Variants in ZMAT4 observed in about 807,000 individuals in gnomAD.
The protein encoded by ZMAT4 is zinc finger matrin-type 4.
A neutral mutation model predicts 28.7 loss-of-function variants in ZMAT4; 17 were observed. The observed-to-expected ratio is 0.59, with a 90% CI of 0.41 to 0.89. The LOEUF is 0.89. ZMAT4 is among the 40% of genes least tolerant of loss of function. ZMAT4 has a pLI of 0.00. For missense variants in ZMAT4, 240 were observed against 283.8 expected (o/e 0.85, Z 1.11); for synonymous variants, 117 against 109.2 (o/e 1.07, Z -0.44).
chr8:40,590,261 G>A (rs1804844991), intron 5 of ZMAT4, among the ~76,000 whole-genome samples: 1 of 151,226 alleles, frequency 6.6e-6, no homozygotes, highest in African/African-American at 2.4e-5. Context: ...CAAACTCCTG[G>A]GCTCAAGCAA....
chr8:40,674,598 T>C (rs1808826534), intron 5 of ZMAT4, 106 bp downstream of exon 5: 1 of 923,464 alleles, frequency 1.1e-6, no homozygotes, highest in Non-Finnish European at 1.7e-6. Context: ...GCCTCACTTT[T>C]TCCTTAATAA....
intron 5 of ZMAT4, among the ~76,000 whole-genome samples, chr8:40,636,132 A>G (rs557464818): frequency 6.6e-6 from 1 of 152,370 alleles, no homozygotes; most frequent in African/African-American, 2.4e-5. Context: ...ATGCCTCTCA[A>G]TATTCAATTG....
intron 3 of ZMAT4, among the ~76,000 whole-genome samples, chr8:40,729,420 T>C (rs1416481310): frequency 6.6e-6 from 1 of 152,200 alleles, no homozygotes; most frequent in Non-Finnish European, 1.5e-5. Context: ...TCTAAAGCAT[T>C]ATTATTCATT....
chr8:40,733,614 C>T (rs147036888), intron 3 of ZMAT4, among the ~76,000 whole-genome samples: 6 of 152,050 alleles, frequency 3.9e-5, no homozygotes, highest in African/African-American at 7.2e-5. Context: ...GACAGGCCAA[C>T]GAGAATCGCT....
intron 1 of ZMAT4, among the ~76,000 whole-genome samples, chr8:40,833,856 T>C (rs1162263584): frequency 6.6e-6 from 1 of 152,172 alleles, no homozygotes; most frequent in Non-Finnish European, 1.5e-5. Flanking sequence ...ATTCCTGATG[T>C]TGCTCAGATA....
At chr8:40,771,902 T>C (rs1357586914) in intron 2 of ZMAT4, among the ~76,000 whole-genome samples, 2 of 152,190 alleles carry the variant, frequency 1.3e-5, no homozygotes, top group African/African-American at 4.8e-5. Context: ...GATTTATTAG[T>C]ACCAAAATTT....
At chr8:40,535,364 C>G (rs1377291326) in intron 6 of ZMAT4, among the ~76,000 whole-genome samples, 1 of 152,100 alleles carries the variant, frequency 6.6e-6, no homozygotes, top group Non-Finnish European at 1.5e-5. Context: ...AGACTAGTAA[C>G]AACCATTGAA....
rs554257029 is a variant in ZMAT4, at chr8:40,832,034, C to T, written c.-4-6354G>A. 5.9e-5 allele frequency among the ~76,000 whole-genome samples: 9 copies of T among 152,276 alleles called. No individual in the cohort carries two copies. In the South Asian group the frequency reaches 1.5e-3, roughly 25 times the overall value. Reference sequence around the variant, plus strand: ...TAACTCACCCAGAGGTCACTCAGCTCCTAAGGGGCGCTCAGTTTTCCAAGC... The same window carrying T: ...TAACTCACCCAGAGGTCACTCAGCTTCTAAGGGGCGCTCAGTTTTCCAAGC... On this transcript the variant is annotated intron_variant, in intron 1 of 6. Coordinates refer to ENST00000297737, the MANE Select transcript of ZMAT4 (RefSeq NM_024645.3).
intron 2 of ZMAT4, among the ~76,000 whole-genome samples, chr8:40,811,180 G>A (rs530424051): frequency 6.6e-6 from 1 of 152,254 alleles, no homozygotes; most frequent in East Asian, 1.9e-4. Flanking sequence ...GCCCCCAAAT[G>A]CTGAAGGAGC....
intron 5 of ZMAT4, among the ~76,000 whole-genome samples, chr8:40,642,753 C>T (rs1203740754): frequency 6.6e-6 from 1 of 152,198 alleles, no homozygotes; most frequent in Non-Finnish European, 1.5e-5. Flanking sequence ...GTACAATATA[C>T]TACCAGATTT....
intron 3 of ZMAT4, among the ~76,000 whole-genome samples, chr8:40,700,834 C>T (rs894080897): frequency 1.2e-4 from 18 of 152,080 alleles, no homozygotes; most frequent in African/African-American, 3.6e-4. Flanking sequence ...ATTGCACTTA[C>T]TTGTTTTCAT....
In ZMAT4 at chr8:40,711,079, C is replaced by T. The variant is rs149821553; in HGVS notation, c.193-13678G>A. 4.7e-4 allele frequency among the ~76,000 whole-genome samples: 72 copies of T among 152,202 alleles called. 1 individual carries two copies. In the East Asian group the frequency reaches 6.2e-3, roughly 13 times the overall value. ...GATTACAGGCATGAGCCACCGTGTGCGGCCAAGATTTTTCAAATAGCTCCA... is the reference window on the plus strand; with the variant it reads ...GATTACAGGCATGAGCCACCGTGTGTGGCCAAGATTTTTCAAATAGCTCCA... On this transcript the variant is annotated intron_variant, in intron 3 of 6. Coordinates refer to ENST00000297737, the MANE Select transcript of ZMAT4 (RefSeq NM_024645.3).
chr8:40,712,341 A>G (rs763048513), intron 3 of ZMAT4, among the ~76,000 whole-genome samples: 6 of 152,224 alleles, frequency 3.9e-5, no homozygotes, highest in Admixed American at 3.3e-4. Context: ...GTTGTGTCCC[A>G]TAAAAGAGAA....
intron 6 of ZMAT4, among the ~76,000 whole-genome samples, chr8:40,545,199 T>A (rs1032004873): frequency 1.3e-5 from 2 of 151,942 alleles, no homozygotes; most frequent in African/African-American, 4.8e-5. Flanking sequence ...GAGAGCAGAC[T>A]CCCCCCTAGT....
At chr8:40,686,527 G>T (rs1410369508) in intron 4 of ZMAT4, among the ~76,000 whole-genome samples, 1 of 151,946 alleles carries the variant, frequency 6.6e-6, no homozygotes, top group African/African-American at 2.4e-5. Flanking sequence ...CCTGCTACTC[G>T]GGAGTCTGAG....
intron 3 of ZMAT4, among the ~76,000 whole-genome samples, chr8:40,720,324 T>C (rs1811025957): frequency 6.6e-6 from 1 of 152,140 alleles, no homozygotes; most frequent in Non-Finnish European, 1.5e-5. Context: ...TAATAAAATC[T>C]ACACTTGGTT....
chr8:40,666,969 A>C (rs1230967939), intron 5 of ZMAT4, among the ~76,000 whole-genome samples: 1 of 152,122 alleles, frequency 6.6e-6, no homozygotes, highest in East Asian at 1.9e-4. Flanking sequence ...TAAAATACAC[A>C]CAAATCTATT....
At chr8:40,768,816 T>C (rs1813270562) in intron 2 of ZMAT4, among the ~76,000 whole-genome samples, 1 of 152,198 alleles carries the variant, frequency 6.6e-6, no homozygotes, top group South Asian at 2.1e-4. Flanking sequence ...CAATCCCCCT[T>C]CCCTTTCCTT....
intron 6 of ZMAT4, among the ~76,000 whole-genome samples, chr8:40,556,177 G>A (rs954429878): frequency 6.6e-6 from 1 of 151,706 alleles, no homozygotes. Flanking sequence ...TTTCTACCTA[G>A]CACCCATGCT....
Sources: gnomAD v4.1 joint callset for allele counts (sites outside exome capture counted in the v4.1 genomes callset) on GRCh38, gnomAD v4.1.1 for gene constraint, MANE v1.5 for transcripts, NCBI Gene and HGNC (gene_info 2026-07-23, HGNC 2026-07-21) for gene names.